BCKDHA: variants seen among roughly 807,000 people sequenced by gnomAD.
BCKDHA encodes the protein 2-oxoisovalerate dehydrogenase subunit alpha, mitochondrial.
A neutral mutation model predicts 52.2 loss-of-function variants in BCKDHA; 43 were observed. That is an observed-to-expected ratio of 0.82 (90% CI 0.64 to 1.06). BCKDHA has a LOEUF of 1.06. BCKDHA is among the 50% of genes least tolerant of loss of function. The pLI, the probability that BCKDHA is intolerant of heterozygous loss-of-function variation, is 0.00. For synonymous variants in BCKDHA, 234 were observed against 247.9 expected, an observed-to-expected ratio of 0.94 and a Z score of 0.53; for missense variants, 527 against 621.3, an observed-to-expected ratio of 0.85 and a Z score of 1.61.
At chr19:41,410,898 C>T (rs775709563) in intron 2 of BCKDHA, 25 bp from the exon 3 acceptor site, 15 of 1,613,848 alleles carry the variant, frequency 9.3e-6, no homozygotes, top group East Asian at 6.7e-5. Context: ...AACTGCCCCA[C>T]GTCTATCTGT....
At chr19:41,411,634 TCCTGGGCCA>T (rs1307434697) in intron 3 of BCKDHA, among the ~76,000 whole-genome samples, 1 of 152,152 alleles carries the variant, frequency 6.6e-6, no homozygotes, top group Non-Finnish European at 1.5e-5. Context: ...TGCATACATT[TCCTGGGCCA>T]CTCCTAGCTG....
At chr19:41,424,338 A>G (rs759690609) in intron 8 of BCKDHA, 100 bp from the exon 9 acceptor site, 92 of 1,337,952 alleles carry the variant, frequency 6.9e-5, no homozygotes, top group Admixed American at 1.9e-4. Flanking sequence ...TGGGAACACA[A>G]AGGCTTGGAG....
chr19:41,420,347 C>T (rs1053496316), intron 5 of BCKDHA, among the ~76,000 whole-genome samples: 16 of 151,996 alleles, frequency 1.1e-4, no homozygotes, highest in African/African-American at 3.9e-4. Context: ...GCAGGATGCC[C>T]GTGTTTTGTG....
intron 1 of BCKDHA, among the ~76,000 whole-genome samples, chr19:41,401,137 C>T (rs1317460116): frequency 6.6e-6 from 1 of 151,962 alleles, no homozygotes; most frequent in Non-Finnish European, 1.5e-5. Context: ...AGTGCAATGG[C>T]ATGATCTTGG....
At chr19:41,400,722 C>A (rs2039129855) in intron 1 of BCKDHA, among the ~76,000 whole-genome samples, 1 of 151,892 alleles carries the variant, frequency 6.6e-6, no homozygotes, top group Non-Finnish European at 1.5e-5. Flanking sequence ...TAAGTAGCCA[C>A]AAGTGGGCTG....
At position 41,410,914 on chromosome 19, in the gene BCKDHA, C is replaced by T. The variant is rs2039245921; in HGVS notation, c.289-9C>T. The stretch of plus-strand genomic sequence containing the variant: ...ACTGCCCCACGTCTATCTGTGCCTC[C>T]ACCCGCAGCTGCCGAAGGAGAAGGT... On this transcript the variant is annotated splice_polypyrimidine_tract_variant and intron_variant, in intron 2 of 8. Coordinates refer to ENST00000269980, the MANE Select transcript of BCKDHA (RefSeq NM_000709.4). The T allele has an allele frequency of 6.2e-7, 1 of 1,614,158 alleles. No individual in the cohort carries two copies. Among genetic ancestry groups the T allele is most frequent in the South Asian group, 1.1e-5 (1 of 91,084 alleles).
At chr19:41,424,165 C>T (rs2039402180) in intron 8 of BCKDHA, among the ~76,000 whole-genome samples, 1 of 152,188 alleles carries the variant, frequency 6.6e-6, no homozygotes, top group Admixed American at 6.5e-5. Context: ...TGTCCTGTCC[C>T]TGCCCTTCTC....
rs764618560 is a variant in BCKDHA, at chr19:41,419,142, G to C, written c.492G>C (p.Leu164=). ...TGCCTCCTCCCCTCCTAGGTGTGCT[G>C]ATGTATCGGGACTACCCCCTGGAAC... The part of the protein sequence containing the change: ...VFGQYREAGV[L]MYRDYPLELF... Residue 164 remains leucine (L), a synonymous_variant, in exon 5 of 9, where the codon CTG becomes CTC. Coordinates refer to ENST00000269980, the MANE Select transcript of BCKDHA (RefSeq NM_000709.4). The C allele has an allele frequency of 6.2e-7, 1 of 1,614,164 alleles. No individual in the cohort carries two copies. The highest frequency in any genetic ancestry group is 2.2e-5 in the East Asian group (1 of 44,876).
At chr19:41,418,999 G>T in intron 4 of BCKDHA, 136 bp from the exon 5 acceptor site, 2 of 1,051,420 alleles carry the variant, frequency 1.9e-6, no homozygotes, top group Non-Finnish European at 2.9e-6. Context: ...GAGTCAGTCA[G>T]TCTGAACATC....
chr19:41,400,240 A>AT (rs1234919689), intron 1 of BCKDHA: 3,012 of 134,544 alleles, frequency 0.022, 84 homozygotes, highest in African/African-American at 0.066. Context: ...CTAATTTTTA[A>AT]TTTTTTTTTT....
Position 41,419,203 on chromosome 19 carries a change from T to A in BCKDHA, c.553T>A (p.Leu185Met), listed in dbSNP as rs1277266640. ...CCAGTGCTATGGCAACATCAGTGAC[T>A]TGGGCAAGGGGCGCCAGATGCCTGT... ...MAQCYGNISDLGKGRQMPVHY... is the reference protein window; with the variant it reads ...MAQCYGNISDMGKGRQMPVHY... The change falls in exon 5 of 9, where the codon TTG becomes ATG. Residue 185 changes from leucine to methionine, a missense_variant. Transcript: ENST00000269980. The A allele has an allele frequency of 1.2e-6, 2 of 1,614,234 alleles. No homozygotes were observed. Among genetic ancestry groups the A allele is most frequent in the South Asian group, 1.1e-5 (1 of 91,088 alleles).
chr19:41,412,332 C>G (rs1290275417), intron 3 of BCKDHA, among the ~76,000 whole-genome samples: 1 of 151,608 alleles, frequency 6.6e-6, no homozygotes, highest in Non-Finnish European at 1.5e-5. Context: ...CCTCCCTCCC[C>G]CTTGCTATCC....
chr19:41,397,974 T>A (rs770842273), intron 1 of BCKDHA, 39 bp downstream of exon 1: 104 of 1,554,410 alleles, frequency 6.7e-5, no homozygotes, highest in Non-Finnish European at 8.2e-5. Flanking sequence ...CCAAAGGGGA[T>A]TAGGGATGTA....
Position 41,410,810 on chromosome 19 carries a change from C to A in BCKDHA, c.282C>A (p.Asp94Glu). ...RQGQIINPSEDPHLPKEKVLK... is the reference protein window; with the variant it reads ...RQGQIINPSEEPHLPKEKVLK... ...GCCAGATCATCAACCCCAGCGAGGACCCCCACGTGAGAGGCGGCCTCCCCC... is the reference window on the plus strand; with the variant it reads ...GCCAGATCATCAACCCCAGCGAGGAACCCCACGTGAGAGGCGGCCTCCCCC... Residue 94 changes from aspartate (D) to glutamate (E), a missense_variant, in exon 2 of 9, where the codon GAC becomes GAA. Coordinates refer to ENST00000269980, the MANE Select transcript of BCKDHA (RefSeq NM_000709.4). 1 of 1,614,134 alleles carries A rather than the reference C, an allele frequency of 6.2e-7. No homozygotes were observed.
chr19:41,420,428 G>A lies in BCKDHA; in HGVS notation c.646+1132G>A, dbSNP rs149538731. Among the ~76,000 whole-genome samples, 817 of 152,226 alleles carry A rather than the reference G, an allele frequency of 5.4e-3. 3 individuals carry two copies. Among genetic ancestry groups the A allele is most frequent in the Non-Finnish European group, 9.0e-3 (611 of 67,996 alleles). On this transcript the variant is annotated intron_variant, in intron 5 of 8. Coordinates refer to ENST00000269980, the MANE Select transcript of BCKDHA (RefSeq NM_000709.4). ...AGCCTGGCCAACATGGCAAAGCCCTGTCCCTACTAAACATACAAAAATTAG... is the reference window on the plus strand; with the variant it reads ...AGCCTGGCCAACATGGCAAAGCCCTATCCCTACTAAACATACAAAAATTAG...
intron 4 of BCKDHA, 139 bp downstream of exon 4, chr19:41,414,296 A>G: frequency 5.6e-6 from 5 of 895,800 alleles, no homozygotes; most frequent in Non-Finnish European, 8.9e-6. Context: ...AGAAAGAGAC[A>G]AGCCAGGGTT....
rs182850813 is a variant in BCKDHA at position 41,405,301 on chromosome 19, T to C, written c.109-5336T>C. On this transcript the variant is annotated intron_variant, in intron 1 of 8. Coordinates refer to ENST00000269980, the MANE Select transcript of BCKDHA (RefSeq NM_000709.4). ...TTTTTCTTTAAAAATTTTTTCTTTT[T>C]TTTTTCCTTGAGACAGGTCTTACTT... Among the ~76,000 whole-genome samples the C allele has an allele frequency of 7.0e-3, 1,057 of 151,992 alleles. 10 individuals are homozygous for C. Among genetic ancestry groups the C allele is most frequent in the Non-Finnish European group, 0.011 (755 of 67,948 alleles).
rs2288870 is a variant in BCKDHA at position 41,421,110 on chromosome 19, G to A, written c.647-1054G>A. The stretch of plus-strand genomic sequence containing the variant: ...CAGGGAAGCTTTCTCAGAGGAGGGG[G>A]CATTTAGGGGGCATTTGAGCTAAAG... On this transcript the variant is annotated intron_variant, in intron 5 of 8. Coordinates refer to ENST00000269980, the MANE Select transcript of BCKDHA (RefSeq NM_000709.4). Among the ~76,000 whole-genome samples the A allele has an allele frequency of 0.028, 4,252 of 152,244 alleles. 328 individuals are homozygous for A. The East Asian group carries it at 0.29, about 10-fold the overall frequency.
intron 1 of BCKDHA, among the ~76,000 whole-genome samples, chr19:41,408,879 A>T (rs2039222301): frequency 6.6e-6 from 1 of 151,910 alleles, no homozygotes; most frequent in Non-Finnish European, 1.5e-5. Flanking sequence ...AAGTGTTGGG[A>T]TTACAGATAT....
Sources: allele counts gnomAD v4.1 joint callset (sites outside exome capture counted in the v4.1 genomes callset), GRCh38; gene constraint gnomAD v4.1.1; transcripts MANE v1.5; gene names NCBI Gene and HGNC (gene_info 2026-07-23, HGNC 2026-07-21).